MTFMT: variants seen among roughly 807,000 people sequenced by gnomAD.
The protein encoded by MTFMT is mitochondrial methionyl-tRNA formyltransferase.
Under a neutral mutation model 51.8 loss-of-function variants are expected in MTFMT, and 47 were observed. The ratio of observed to expected loss-of-function variants is 0.91; its 90% CI spans 0.72 to 1.16. The LOEUF (loss-of-function observed/expected upper bound fraction) is 1.16. Among genes scored for constraint, MTFMT ranks in the 50% most tolerant of loss-of-function variants. MTFMT has a pLI of 0.00. For synonymous variants in MTFMT, 196 were observed against 176.7 expected (o/e 1.11, Z -0.87); for missense variants, 512 against 482.3 (o/e 1.06, Z -0.58).
chr15:65,004,022 C>CT (rs879754482), intron 8 of MTFMT, among the ~76,000 whole-genome samples: 472 of 145,380 alleles, frequency 3.2e-3, no homozygotes, highest in Admixed American at 8.4e-3. Flanking sequence ...TAAACATTTT[C>CT]TTTTTTTTTT....
chr15:65,023,483 G>A (rs1354047145), intron 3 of MTFMT, among the ~76,000 whole-genome samples, 189 bp downstream of exon 3: 1 of 151,096 alleles, frequency 6.6e-6, no homozygotes, highest in South Asian at 2.1e-4. Context: ...AAGAGACCCC[G>A]CATAAATACC....
chr15:65,008,163 G>T (rs917732955), intron 6 of MTFMT, among the ~76,000 whole-genome samples: 17 of 152,098 alleles, frequency 1.1e-4, no homozygotes, highest in African/African-American at 4.1e-4. Context: ...TTAACAAATT[G>T]TAAGTATACC....
rs1452475891 is a variant in MTFMT at position 65,026,906 on chromosome 15, G to C, written c.344C>G (p.Ser115Cys). 1.2e-6 allele frequency: 2 copies of C among 1,613,858 alleles called. No individual in the cohort carries two copies. Among genetic ancestry groups the C allele is most frequent in the Non-Finnish European group, 1.7e-6 (2 of 1,179,904 alleles). The change falls in exon 2 of 9, where the codon TCT becomes TGT. Residue 115 changes from serine to cysteine, a missense_variant. Coordinates refer to ENST00000220058, the MANE Select transcript of MTFMT (RefSeq NM_139242.4). ...CACTACTCCAACATCATATTCTCCA[G>C]ATCCCACATCCGGCCACTCATATAC... ...LPVYEWPDVG[S>C]GEYDVGVVAS...
At position 65,003,169 on chromosome 15, in the gene MTFMT, G is replaced by C. The variant is rs1446833139; in HGVS notation, c.1063C>G (p.Gln355Glu). 2.5e-6 allele frequency: 4 copies of C among 1,613,612 alleles called. No homozygotes were observed. Among genetic ancestry groups the C allele is most frequent in the Non-Finnish European group, 2.5e-6 (3 of 1,179,734 alleles). Residue 355 changes from glutamine (Q) to glutamate (E), a missense_variant, in exon 9 of 9, where the codon CAG becomes GAG. By Grantham distance (29) the Gln-to-Glu change is conservative (BLOSUM62 2). Coordinates refer to ENST00000220058, the MANE Select transcript of MTFMT (RefSeq NM_139242.4). ...CTTGGTTGAGCTTGGGAATTTTTCT[G>C]GTACCAGGGGTGCAAATATCCATTG... ...FYNGYLHPWY[Q>E]KNSQAQPSQC...
At position 65,029,390 on chromosome 15, in the gene MTFMT, C is replaced by G; in HGVS notation, c.209+15G>C. On this transcript the variant is annotated intron_variant, in intron 1 of 8. Coordinates refer to ENST00000220058, the MANE Select transcript of MTFMT (RefSeq NM_139242.4). ...GCCTTCAGCGGCCGGGTCCCCGGAT[C>G]CCTGGCCCGGGTACCTGGCGGCGTG... 2 of 1,471,572 alleles carry G rather than the reference C, an allele frequency of 1.4e-6. No individual in the cohort carries two copies. The highest frequency in any genetic ancestry group is 1.8e-6 in the Non-Finnish European group (2 of 1,111,552). The allele number at this position is 1,471,572 out of a possible 1,614,324, so 91.2% of individuals were successfully genotyped here.
rs762600453 is a variant in MTFMT at position 65,006,303 on chromosome 15, A to G, written c.814-112T>C. The G allele has an allele frequency of 1.2e-5, 9 of 741,858 alleles. No homozygotes were observed. The Admixed American group carries it at 1.7e-4, about 14-fold the overall frequency. 46.0% of individuals were successfully genotyped at this position (741,858 alleles called of 1,614,324 possible). A position where few individuals can be genotyped will look rare whatever the true frequency, so the allele number is the denominator to read the frequency against. ...TTTTCTTTCAATTAGAGGAATTGGG[A>G]ACTCAGTCACTAAGTTTGATGGAAC... is the stretch of plus-strand genomic sequence containing the variant. On this transcript the variant is annotated intron_variant, in intron 6 of 8. Transcript: ENST00000220058.
At chr15:65,023,232 G>A (rs959197879) in intron 3 of MTFMT, among the ~76,000 whole-genome samples, 3 of 152,080 alleles carry the variant, frequency 2.0e-5, no homozygotes, top group Non-Finnish European at 4.4e-5. Flanking sequence ...CTATAGGTAT[G>A]ACAGGAAAAA....
At chr15:65,014,680 T>G (rs1242479109) in intron 6 of MTFMT, among the ~76,000 whole-genome samples, 1 of 148,216 alleles carries the variant, frequency 6.7e-6, no homozygotes, top group Non-Finnish European at 1.5e-5. Context: ...CAGGCTGGAG[T>G]GCAGTGGTGT....
intron 1 of MTFMT, chr15:65,029,151 G>A (rs1275457659): frequency 2.0e-6 from 1 of 512,422 alleles, no homozygotes; most frequent in Non-Finnish European, 2.5e-6. Flanking sequence ...GGCACAGCGT[G>A]GGTGGCAGGG....
At chr15:65,015,354 G>A (rs1048349008) in intron 6 of MTFMT, among the ~76,000 whole-genome samples, 4 of 151,992 alleles carry the variant, frequency 2.6e-5, no homozygotes, top group African/African-American at 7.2e-5. Context: ...CTAGCAACAC[G>A]ACATCGAGTA....
chr15:65,008,062 T>C (rs890655427), intron 6 of MTFMT, among the ~76,000 whole-genome samples: 154 of 152,334 alleles, frequency 1.0e-3, no homozygotes, highest in African/African-American at 3.2e-3. Context: ...TTATAGTCCT[T>C]GTGATTTTAC....
Position 65,002,834 on chromosome 15 carries a change from G to A in MTFMT, c.*228C>T. 1 of 271,294 alleles carries A rather than the reference G, an allele frequency of 3.7e-6. No individual in the cohort carries two copies. Among genetic ancestry groups the A allele is most frequent in the Non-Finnish European group, 6.9e-6 (1 of 144,826 alleles). 16.8% of individuals were successfully genotyped at this position (271,294 alleles called of 1,614,324 possible). On this transcript the variant is annotated 3_prime_UTR_variant, in exon 9 of 9. Transcript: ENST00000220058. ...AAAAATTAGCTGCGTGTGGTGGCGT[G>A]TGCCTGTAATCCCAGCTACTCAGGA... is the stretch of plus-strand genomic sequence containing the variant.
At chr15:65,017,975 G>A (rs1430970991) in intron 5 of MTFMT, among the ~76,000 whole-genome samples, 1 of 152,098 alleles carries the variant, frequency 6.6e-6, no homozygotes, top group Non-Finnish European at 1.5e-5. Flanking sequence ...GGAAACACTG[G>A]AAGACTAAAT....
intron 6 of MTFMT, among the ~76,000 whole-genome samples, chr15:65,011,418 T>C (rs756319590): frequency 6.6e-6 from 1 of 151,790 alleles, no homozygotes; most frequent in Non-Finnish European, 1.5e-5. Flanking sequence ...AAGAATTCTT[T>C]ACTCTGGATA....
At chr15:65,020,046 A>ACT in intron 5 of MTFMT, 151 bp downstream of exon 5, 1 of 651,214 alleles carries the variant, frequency 1.5e-6, no homozygotes. Context: ...AGGGAGAAAG[A>ACT]ATGCTTTCTA....
rs1566945081 is a variant in MTFMT at position 65,027,027 on chromosome 15, CTTCTTT to C, written c.217_222del (p.Lys73_Glu74del). 6.2e-7 allele frequency: 1 copy of C among 1,613,454 alleles called. No homozygotes were observed. The highest frequency in any genetic ancestry group is 1.7e-5 in the Admixed American group (1 of 59,910). ...ACCTCCAGTTTGTCGATTAACTCTT[CTTCTTT>C]GTTTTCCCTAAATTAGATAGGAAGA... On this transcript the variant is annotated inframe_deletion, in exon 2 of 9. Coordinates refer to ENST00000220058, the MANE Select transcript of MTFMT (RefSeq NM_139242.4).
chr15:65,011,029 A>C (rs2086259844), intron 6 of MTFMT, among the ~76,000 whole-genome samples: 1 of 150,420 alleles, frequency 6.6e-6, no homozygotes, highest in Non-Finnish European at 1.5e-5. Flanking sequence ...CTTGAAACAA[A>C]TGTCTACTCA....
At chr15:65,010,535 T>C (rs1021851899) in intron 6 of MTFMT, among the ~76,000 whole-genome samples, 1 of 152,218 alleles carries the variant, frequency 6.6e-6, no homozygotes, top group South Asian at 2.1e-4. Context: ...AGCATGTGAT[T>C]ATGGTTATGG....
rs755424500 is a variant in MTFMT at position 65,006,181 on chromosome 15, T to C, written c.824A>G (p.Gln275Arg). The change falls in exon 7 of 9, where the codon CAG (glutamine) becomes CGG (arginine). Residue 275 changes from glutamine (Q) to arginine (R), a missense_variant. Gln to Arg is a conservative substitution (Grantham distance 43). Coordinates refer to ENST00000220058, the MANE Select transcript of MTFMT (RefSeq NM_139242.4). ...AATGGTATTCGCCATCCAGAGCGTCTGCAACGGAATCTGCAAGTAAAATTA... is the reference window on the plus strand; with the variant it reads ...AATGGTATTCGCCATCCAGAGCGTCCGCAACGGAATCTGCAAGTAAAATTA... The part of the protein sequence containing the change: ...YRAIGNIIPL[Q>R]TLWMANTIKL... The C allele has an allele frequency of 1.2e-6, 2 of 1,611,840 alleles. No individual in the cohort carries two copies. The highest frequency in any genetic ancestry group is 2.2e-5 in the South Asian group (2 of 91,054).
Sources: gnomAD v4.1 joint callset for allele counts (sites outside exome capture counted in the v4.1 genomes callset) on GRCh38, gnomAD v4.1.1 for gene constraint, MANE v1.5 for transcripts, NCBI Gene and HGNC (gene_info 2026-07-23, HGNC 2026-07-21) for gene names.